POLA1: variants seen among roughly 807,000 people sequenced by gnomAD.
The protein encoded by POLA1 is DNA polymerase alpha catalytic subunit.
POLA1 carries 15 observed loss-of-function variants against 124.0 expected under a neutral mutation model. The observed-to-expected ratio is 0.12, with a 90% CI of 0.08 to 0.19. POLA1 has a LOEUF of 0.19. Ranked by LOEUF, POLA1 falls within the 10% of genes least tolerant of loss-of-function variation. The pLI is 1.00. For missense variants in POLA1, 886 were observed against 1,103.4 expected (o/e 0.80, Z 2.79); for synonymous variants, 408 against 389.4 (o/e 1.05, Z -0.56).
At chrX:24,702,982 A>G (rs967422747) in intron 2 of POLA1, among the ~76,000 whole-genome samples, 4 of 112,263 alleles carry the variant, frequency 3.6e-5, no homozygotes, top group African/African-American at 1.3e-4. Flanking sequence ...TATGAAATAG[A>G]TGAGTAATTG....
intron 26 of POLA1, among the ~76,000 whole-genome samples, chrX:24,753,880 C>T (rs1415798294): frequency 8.9e-6 from 1 of 112,358 alleles, no homozygotes; most frequent in African/African-American, 3.2e-5. Flanking sequence ...AGAGTCCATG[C>T]ATTTTCATTT....
chrX:24,793,484 A>T (rs2045548544), intron 26 of POLA1, among the ~76,000 whole-genome samples: 1 of 111,201 alleles, frequency 9.0e-6, no homozygotes, highest in Non-Finnish European at 1.9e-5. Context: ...TGATAAAGAG[A>T]TTGTTCACAA....
At chrX:24,716,114 A>G (rs1929812666) in intron 6 of POLA1, among the ~76,000 whole-genome samples, 1 of 110,570 alleles carries the variant, frequency 9.0e-6, no homozygotes, top group Non-Finnish European at 1.9e-5. Context: ...GGGTCAGTGA[A>G]AGTATGTTAA....
intron 32 of POLA1, among the ~76,000 whole-genome samples, chrX:24,839,459 C>T (rs1362491408): frequency 8.9e-6 from 1 of 111,966 alleles, no homozygotes; most frequent in Non-Finnish European, 1.9e-5. Flanking sequence ...TGCAGCCAGT[C>T]GTTTGGGTGT....
intron 34 of POLA1, among the ~76,000 whole-genome samples, chrX:24,849,552 C>A (rs747535179): frequency 9.0e-6 from 1 of 110,852 alleles, no homozygotes; most frequent in Admixed American, 9.6e-5. Flanking sequence ...TCACTGCAGC[C>A]TTGAACTCCA....
chrX:24,802,317 A>G (rs754378155), intron 26 of POLA1, among the ~76,000 whole-genome samples: 30 of 111,542 alleles, frequency 2.7e-4, no homozygotes, highest in Non-Finnish European at 4.9e-4. Context: ...TAACTTCTCA[A>G]CTCACATTTT....
intron 35 of POLA1, among the ~76,000 whole-genome samples, chrX:24,915,700 G>A (rs1417909358): frequency 8.9e-6 from 1 of 111,885 alleles, no homozygotes; most frequent in Admixed American, 9.5e-5. Context: ...AAATTTGACT[G>A]ATTTCATGCT....
intron 35 of POLA1, among the ~76,000 whole-genome samples, chrX:24,923,866 A>G (rs1267196902): frequency 3.6e-5 from 4 of 112,041 alleles, no homozygotes; most frequent in Non-Finnish European, 7.5e-5. Flanking sequence ...ATTGCAAATA[A>G]AATAGATAGA....
chrX:24,694,004 G>T lies in POLA1; in HGVS notation c.43G>T (p.Ala15Ser), dbSNP rs1927791127. The change falls in exon 1 of 37, where the codon GCT (alanine) becomes TCT (serine). Residue 15 changes from alanine (A) to serine (S), a missense_variant and splice_region_variant. Coordinates refer to ENST00000379068, the MANE Select transcript of POLA1 (RefSeq NM_001330360.2). ...CGACGACTGTGAGATAGGGGCGAGT[G>T]GTGAGGGACAATTCCGCGCGCGGGG... ...HGDDCEIGASALSDSGSFVSS... is the reference protein window; with the variant it reads ...HGDDCEIGASSLSDSGSFVSS... 1.7e-6 allele frequency: 2 copies of T among 1,184,339 alleles called. No individual in the cohort carries two copies. Among genetic ancestry groups the T allele is most frequent in the East Asian group, 3.1e-5 (1 of 31,948 alleles).
At chrX:24,879,280 T>C (rs2046974094) in intron 34 of POLA1, among the ~76,000 whole-genome samples, 1 of 111,878 alleles carries the variant, frequency 8.9e-6, no homozygotes, top group African/African-American at 3.2e-5. Flanking sequence ...CTTTCCCTTG[T>C]TGAAATGACT....
chrX:24,735,526 C>T (rs749686555), intron 18 of POLA1, 38 bp downstream of exon 18: 3 of 797,545 alleles, frequency 3.8e-6, no homozygotes, highest in South Asian at 4.3e-5. Context: ...GGAAGCTCTT[C>T]ATTTCTTAGT....
At chrX:24,753,201 G>T (rs1932412304) in intron 26 of POLA1, among the ~76,000 whole-genome samples, 1 of 108,997 alleles carries the variant, frequency 9.2e-6, no homozygotes. Flanking sequence ...TGTATTTTTA[G>T]TAGAGACGGG....
intron 34 of POLA1, among the ~76,000 whole-genome samples, chrX:24,872,238 T>G (rs1303780081): frequency 9.0e-6 from 1 of 111,602 alleles, no homozygotes; most frequent in Non-Finnish European, 1.9e-5. Context: ...AGGTTACTAG[T>G]TATAAAATCA....
chrX:24,873,637 A>G (rs778062415), intron 34 of POLA1, among the ~76,000 whole-genome samples: 46 of 111,867 alleles, frequency 4.1e-4, no homozygotes, highest in South Asian at 3.0e-3. Context: ...TTTCATTTGT[A>G]TTTTTTAAAA....
At chrX:24,888,817 G>A (rs750158489) in intron 35 of POLA1, among the ~76,000 whole-genome samples, 2 of 107,533 alleles carry the variant, frequency 1.9e-5, no homozygotes, top group Admixed American at 2.0e-4. Context: ...CTTGTGATCC[G>A]CCCACCTCGG....
chrX:24,821,257 A>C (rs1259802578), intron 30 of POLA1, among the ~76,000 whole-genome samples, 195 bp from the exon 31 acceptor site: 2 of 111,962 alleles, frequency 1.8e-5, no homozygotes, highest in Non-Finnish European at 3.8e-5. Flanking sequence ...TGGTTATGTT[A>C]GTTATTGAAC....
intron 35 of POLA1, among the ~76,000 whole-genome samples, chrX:24,895,314 A>G (rs1348487728): frequency 1.8e-5 from 2 of 112,223 alleles, no homozygotes; most frequent in South Asian, 3.7e-4. Context: ...TTGTGGCTCC[A>G]CAGTGTCATC....
intron 35 of POLA1, among the ~76,000 whole-genome samples, chrX:24,917,903 C>A (rs2047556267): frequency 9.0e-6 from 1 of 111,579 alleles, no homozygotes; most frequent in Non-Finnish European, 1.9e-5. Context: ...TTGCCAAACA[C>A]TTTATATGCA....
chrX:24,789,907 A>AT (rs759197288), intron 26 of POLA1, among the ~76,000 whole-genome samples: 1 of 111,671 alleles, frequency 9.0e-6, no homozygotes, highest in Non-Finnish European at 1.9e-5. Flanking sequence ...TGAAGCCTTT[A>AT]TTTTTTTGCC....
Sources: allele counts gnomAD v4.1 joint callset (sites outside exome capture counted in the v4.1 genomes callset), GRCh38; gene constraint gnomAD v4.1.1; transcripts MANE v1.5; gene names NCBI Gene and HGNC (gene_info 2026-07-23, HGNC 2026-07-21).